The following MACROD2 variants were observed in gnomAD, a reference collection of about 807,000 sequenced individuals.
MACROD2 encodes the protein ADP-ribose glycohydrolase MACROD2.
Under a neutral mutation model 70.4 loss-of-function variants are expected in MACROD2, and 36 were observed. The ratio of observed to expected loss-of-function variants is 0.51; its 90% CI spans 0.39 to 0.68. The LOEUF is 0.68. Ranked by LOEUF, MACROD2 falls within the 30% of genes least tolerant of loss-of-function variation. The probability of loss-of-function intolerance (pLI) is 0.00; values close to 1 mark genes in which losing one functional copy is unlikely to be tolerated. For missense variants in MACROD2, 496 were observed against 538.4 expected, an observed-to-expected ratio of 0.92 and a Z score of 0.78; for synonymous variants, 172 against 178.8, an observed-to-expected ratio of 0.96 and a Z score of 0.30.
intron 12 of MACROD2, among the ~76,000 whole-genome samples, chr20:15,945,677 G>A (rs2065812437): frequency 6.6e-6 from 1 of 152,148 alleles, no homozygotes; most frequent in South Asian, 2.1e-4. Flanking sequence ...TGGATGTAAA[G>A]CAATCTCTCA....
At chr20:15,992,925 T>G (rs2066577478) in intron 15 of MACROD2, among the ~76,000 whole-genome samples, 1 of 152,202 alleles carries the variant, frequency 6.6e-6, no homozygotes, top group African/African-American at 2.4e-5. Context: ...CCTGAATTTT[T>G]TTCACAACTA....
At chr20:14,110,748 T>C (rs143828070) in intron 3 of MACROD2, among the ~76,000 whole-genome samples, 20 of 152,128 alleles carry the variant, frequency 1.3e-4, no homozygotes, top group African/African-American at 4.8e-4. Flanking sequence ...TGGAAAGATA[T>C]TCCACATTCA....
intron 2 of MACROD2, among the ~76,000 whole-genome samples, chr20:14,037,342 T>C (rs1427053656): frequency 1.3e-5 from 2 of 152,238 alleles, no homozygotes; most frequent in Non-Finnish European, 2.9e-5. Flanking sequence ...TCTACAATTA[T>C]AGAAATATTT....
intron 8 of MACROD2, among the ~76,000 whole-genome samples, chr20:15,710,586 G>A (rs772927214): frequency 1.1e-4 from 17 of 152,106 alleles, no homozygotes; most frequent in Non-Finnish European, 2.4e-4. Context: ...TAACAGATGT[G>A]GGCATCAAGT....
intron 7 of MACROD2, among the ~76,000 whole-genome samples, chr20:15,450,227 C>A (rs532794600): frequency 4.0e-5 from 6 of 151,686 alleles, no homozygotes; most frequent in Non-Finnish European, 7.4e-5. Context: ...TATACCTAAA[C>A]TACTAAAGGA....
chr20:14,798,928 C>T (rs950760639), intron 5 of MACROD2, among the ~76,000 whole-genome samples: 3 of 151,580 alleles, frequency 2.0e-5, no homozygotes, highest in Non-Finnish European at 2.9e-5. Context: ...TAATATAAAT[C>T]GGGACAGATT....
rs142212960 is a variant in MACROD2 at position 15,904,708 on chromosome 20, T to G, written c.775+18897T>G. Among the ~76,000 whole-genome samples the G allele has an allele frequency of 4.9e-3, 737 of 151,768 alleles. 21 individuals are homozygous for G. The East Asian group carries it at 0.08, about 16-fold the overall frequency. On this transcript the variant is annotated intron_variant, in intron 10 of 17. Coordinates refer to ENST00000684519, the MANE Select transcript of MACROD2 (RefSeq NM_001351661.2). ...GAGATCGAGACCATCCTGGCTAACC[T>G]GTCTCTACTAAAAATTCAAAAAATT...
intron 4 of MACROD2, among the ~76,000 whole-genome samples, chr20:14,647,081 C>T (rs1985435329): frequency 6.6e-6 from 1 of 152,084 alleles, no homozygotes. Flanking sequence ...CAGCATTTTC[C>T]CTCTAAAACA....
intron 3 of MACROD2, among the ~76,000 whole-genome samples, chr20:14,104,298 G>T (rs1190229034): frequency 6.6e-6 from 1 of 152,140 alleles, no homozygotes; most frequent in Admixed American, 6.5e-5. Context: ...CACCAATAGG[G>T]TACAAAGTAA....
intron 6 of MACROD2, among the ~76,000 whole-genome samples, chr20:15,293,020 A>T (rs1288008385): frequency 6.6e-6 from 1 of 152,104 alleles, no homozygotes; most frequent in Non-Finnish European, 1.5e-5. Context: ...GAATCTCTTT[A>T]GTGACAGAGA....
At chr20:15,163,655 T>G (rs2145877764) in intron 5 of MACROD2, among the ~76,000 whole-genome samples, 1 of 152,196 alleles carries the variant, frequency 6.6e-6, no homozygotes, top group Non-Finnish European at 1.5e-5. Flanking sequence ...CTAATCCAGC[T>G]CATGTCCTGT....
intron 5 of MACROD2, chr20:14,894,743 A>G (rs984564545): frequency 4.3e-4 from 65 of 152,200 alleles, no homozygotes; most frequent in African/African-American, 1.5e-3. Context: ...TTTCTTACCA[A>G]GGATTAATTC....
chr20:14,192,880 GA>G (rs938476699), intron 3 of MACROD2, among the ~76,000 whole-genome samples: 12 of 152,148 alleles, frequency 7.9e-5, no homozygotes, highest in African/African-American at 2.7e-4. Flanking sequence ...AGGAGCTGAA[GA>G]AAAAATGATC....
chr20:14,701,178 T>A (rs930643401), intron 5 of MACROD2, among the ~76,000 whole-genome samples: 4 of 152,178 alleles, frequency 2.6e-5, no homozygotes, highest in African/African-American at 9.7e-5. Context: ...TTTCTTTAGT[T>A]ATGGAGCACT....
intron 3 of MACROD2, among the ~76,000 whole-genome samples, chr20:14,299,135 T>C (rs1488571363): frequency 1.3e-5 from 2 of 152,176 alleles, no homozygotes; most frequent in African/African-American, 4.8e-5. Context: ...CAGAGATACC[T>C]TCTGTGAAAG....
intron 5 of MACROD2, among the ~76,000 whole-genome samples, chr20:15,153,782 G>T (rs1443426533): frequency 1.3e-5 from 2 of 152,144 alleles, no homozygotes; most frequent in African/African-American, 4.8e-5. Flanking sequence ...AGCATATGGA[G>T]GGCTTCTGGG....
chr20:15,420,251 A>G (rs1035473177), intron 6 of MACROD2, among the ~76,000 whole-genome samples: 22 of 152,184 alleles, frequency 1.4e-4, no homozygotes, highest in Non-Finnish European at 3.1e-4. Context: ...GCTACTATTC[A>G]TGGCCATGTA....
intron 8 of MACROD2, among the ~76,000 whole-genome samples, chr20:15,743,172 T>G (rs1011910971): frequency 1.3e-5 from 2 of 152,138 alleles, no homozygotes; most frequent in Non-Finnish European, 2.9e-5. Context: ...CCTCTGTAGC[T>G]AACCAGGCCT....
At chr20:14,099,540 T>C (rs2054271113) in intron 3 of MACROD2, among the ~76,000 whole-genome samples, 1 of 152,218 alleles carries the variant, frequency 6.6e-6, no homozygotes, top group African/African-American at 2.4e-5. Flanking sequence ...TAATATTTCA[T>C]TGTATAAATA....
Sources: gnomAD v4.1 joint callset for allele counts (sites outside exome capture counted in the v4.1 genomes callset) on GRCh38, gnomAD v4.1.1 for gene constraint, MANE v1.5 for transcripts, NCBI Gene and HGNC (gene_info 2026-07-23, HGNC 2026-07-21) for gene names.